Variants in C1orf50 observed in about 807,000 individuals in gnomAD.
The protein encoded by C1orf50 is chromosome 1 open reading frame 50.
Under a neutral mutation model 23.3 loss-of-function variants are expected in C1orf50, and 22 were observed. The ratio of observed to expected loss-of-function variants is 0.94; its 90% CI spans 0.67 to 1.35. The LOEUF (loss-of-function observed/expected upper bound fraction) is 1.35. Among genes scored for constraint, C1orf50 ranks in the 40% most tolerant of loss-of-function variants. C1orf50 has a pLI of 0.00. For synonymous variants in C1orf50, 96 were observed against 102.4 expected (o/e 0.94, Z 0.38); for missense variants, 271 against 249.4 (o/e 1.09, Z -0.58).
Position 42,773,541 on chromosome 1 carries a change from TTTAG to T in C1orf50, c.196-19_196-16del. ...AGTCTTTTCCTCTTTCAACCCACAG[TTTAG>T]TTTTTTCTCACCTGTAGGCTGATGA... On this transcript the variant is annotated intron_variant, in intron 2 of 4. Coordinates refer to ENST00000372525, the MANE Select transcript of C1orf50 (RefSeq NM_024097.4). The T allele has an allele frequency of 1.4e-6, 2 of 1,464,012 alleles. No homozygotes were observed. The highest frequency in any genetic ancestry group is 1.9e-6 in the Non-Finnish European group (2 of 1,047,656). 90.7% of individuals were successfully genotyped at this position (1,464,012 alleles called of 1,614,324 possible).
intron 2 of C1orf50, among the ~76,000 whole-genome samples, chr1:42,768,474 G>A (rs2124183259): frequency 6.6e-6 from 1 of 151,988 alleles, no homozygotes; most frequent in African/African-American, 2.4e-5. Flanking sequence ...TATGTTCCAG[G>A]GTCTTTGCTT....
intron 2 of C1orf50, among the ~76,000 whole-genome samples, chr1:42,770,578 A>G (rs1216146186): frequency 6.6e-6 from 1 of 151,964 alleles, no homozygotes; most frequent in Non-Finnish European, 1.5e-5. Flanking sequence ...GATTATAGAC[A>G]TGTGCCGCCA....
chr1:42,776,962 T>C lies in C1orf50; in HGVS notation c.*1568T>C, dbSNP rs1407890249. 2 of 152,222 alleles carry C rather than the reference T, an allele frequency of 1.3e-5. No individual in the cohort carries two copies. Among genetic ancestry groups the C allele is most frequent in the Non-Finnish European group, 2.9e-5 (2 of 68,046 alleles). The allele number at this position is 152,222 out of a possible 1,614,324, so 9.4% of individuals were successfully genotyped here. On this transcript the variant is annotated 3_prime_UTR_variant, in exon 5 of 5. Coordinates refer to ENST00000372525, the MANE Select transcript of C1orf50 (RefSeq NM_024097.4). ...GGAGTTCAGGCACCATTTCATTGAG[T>C]CCTCTGCTTCACAGTTTCTCTGAAA... is the stretch of plus-strand genomic sequence containing the variant.
In C1orf50 at chr1:42,767,256, T is replaced by A. The variant is rs1478981191; in HGVS notation, c.-56T>A. Reference sequence around the variant, plus strand: ...CGGAAGCTCCGCCCACGCGCCTTTATGCGCAGGCTCTTCCTACTCGCACAG... The same window carrying A: ...CGGAAGCTCCGCCCACGCGCCTTTAAGCGCAGGCTCTTCCTACTCGCACAG... On this transcript the variant is annotated 5_prime_UTR_variant, in exon 1 of 5. It removes an upstream start codon present in the reference 5' UTR. Transcript: ENST00000372525. The A allele has an allele frequency of 6.9e-6, 10 of 1,455,864 alleles. No individual in the cohort carries two copies. Among genetic ancestry groups the A allele is most frequent in the East Asian group, 2.5e-5 (1 of 40,428 alleles). The allele number at this position is 1,455,864 out of a possible 1,614,324, so 90.2% of individuals were successfully genotyped here.
chr1:42,772,733 A>G (rs2124190080), intron 2 of C1orf50, among the ~76,000 whole-genome samples: 1 of 152,128 alleles, frequency 6.6e-6, no homozygotes, highest in South Asian at 2.1e-4. Flanking sequence ...GTGAGCCAAG[A>G]TTGCGCCATT....
rs1412017151 is a variant in C1orf50 at position 42,767,274 on chromosome 1, T to G, written c.-38T>G. ...GCCTTTATGCGCAGGCTCTTCCTACTCGCACAGCCCAGGGAGTGGGGAGGA... is the reference window on the plus strand; with the variant it reads ...GCCTTTATGCGCAGGCTCTTCCTACGCGCACAGCCCAGGGAGTGGGGAGGA... On this transcript the variant is annotated 5_prime_UTR_variant, in exon 1 of 5. Transcript: ENST00000372525. 2 of 1,470,934 alleles carry G rather than the reference T, an allele frequency of 1.4e-6. No homozygotes were observed. Among genetic ancestry groups the G allele is most frequent in the African/African-American group, 2.9e-5 (2 of 70,084 alleles). 91.1% of individuals were successfully genotyped at this position (1,470,934 alleles called of 1,614,324 possible). A position where few individuals can be genotyped will look rare whatever the true frequency, so the allele number is the denominator to read the frequency against.
chr1:42,775,498 T>A lies in C1orf50; in HGVS notation c.*104T>A. Reference sequence around the variant, plus strand: ...AAGACATGTAGGTGACTCACAAACTTCTTGGAAAGAGACCCTGTGTGAATG... The same window carrying A: ...AAGACATGTAGGTGACTCACAAACTACTTGGAAAGAGACCCTGTGTGAATG... On this transcript the variant is annotated 3_prime_UTR_variant, in exon 5 of 5. Coordinates refer to ENST00000372525, the MANE Select transcript of C1orf50 (RefSeq NM_024097.4). 9.7e-7 allele frequency: 1 copy of A among 1,028,250 alleles called. No individual in the cohort carries two copies. Among genetic ancestry groups the A allele is most frequent in the Non-Finnish European group, 1.4e-6 (1 of 722,538 alleles). 63.7% of individuals were successfully genotyped at this position (1,028,250 alleles called of 1,614,324 possible).
rs183216869 is a variant in C1orf50 at position 42,779,487 on chromosome 1, G to A, written c.*4093G>A. 1.3e-4 allele frequency: 20 copies of A among 152,270 alleles called. No homozygotes were observed. The highest frequency in any genetic ancestry group is 4.3e-4 in the African/African-American group (18 of 41,544). The allele number at this position is 152,270 out of a possible 1,614,324, so 9.4% of individuals were successfully genotyped here. A position where few individuals can be genotyped will look rare whatever the true frequency, so the allele number is the denominator to read the frequency against. On this transcript the variant is annotated 3_prime_UTR_variant, in exon 5 of 5. Transcript: ENST00000372525. ...TTAATAAAATGTCAGAGGGATTAGA[G>A]GAAAGACTCTTAGATGATGCTTGAA... is the stretch of plus-strand genomic sequence containing the variant.
intron 3 of C1orf50, among the ~76,000 whole-genome samples, chr1:42,773,941 G>A (rs908270657): frequency 2.0e-5 from 3 of 152,110 alleles, no homozygotes; most frequent in Non-Finnish European, 4.4e-5. Flanking sequence ...TCCTGTCTCA[G>A]CCTCCCAAGT....
Position 42,775,934 on chromosome 1 carries a change from G to A in C1orf50, c.*540G>A, listed in dbSNP as rs959007992. On this transcript the variant is annotated 3_prime_UTR_variant, in exon 5 of 5. Coordinates refer to ENST00000372525, the MANE Select transcript of C1orf50 (RefSeq NM_024097.4). ...AAAAAAAAAAACACTTGGCTTGGCT[G>A]GACCAGAGAGTGTGTGATTCTGGGA... 1 of 151,306 alleles carries A rather than the reference G, an allele frequency of 6.6e-6. No homozygotes were observed. Among genetic ancestry groups the A allele is most frequent in the African/African-American group, 2.4e-5 (1 of 41,118 alleles). 9.4% of individuals were successfully genotyped at this position (151,306 alleles called of 1,614,324 possible). A position where few individuals can be genotyped will look rare whatever the true frequency, so the allele number is the denominator to read the frequency against.
rs1313174125 is a variant in C1orf50 at position 42,774,778 on chromosome 1, A to G, written c.324A>G (p.Val108=). ...ACAGAGATGCCAACCTGCACCATGT[A>G]GCTTGTAATATAGTGAAAAAACCTG... ...DAHRDANLHH[V]ACNIVKKPGN... The change falls in exon 4 of 5, where the codon GTA becomes GTG. Residue 108 remains valine (V), a synonymous_variant. Transcript: ENST00000372525. 6.2e-7 allele frequency: 1 copy of G among 1,613,816 alleles called. No individual in the cohort carries two copies. The highest frequency in any genetic ancestry group is 1.1e-5 in the South Asian group (1 of 91,074).
At chr1:42,767,731 CTT>C (rs1253189626) in intron 2 of C1orf50, 107 bp downstream of exon 2, 17 of 1,007,986 alleles carry the variant, frequency 1.7e-5, no homozygotes, top group African/African-American at 6.5e-5. Context: ...GGCATTTGCT[CTT>C]GTCTCCATTT....
rs796760991 is a variant in C1orf50, at chr1:42,775,825, A to C, written c.*431A>C. The stretch of plus-strand genomic sequence containing the variant: ...AACATTGGGGTTGAGGCTGTCTCAC[A>C]GTTGGTGCAACTCCAGTTTAAAATT... On this transcript the variant is annotated 3_prime_UTR_variant, in exon 5 of 5. Coordinates refer to ENST00000372525, the MANE Select transcript of C1orf50 (RefSeq NM_024097.4). 9 of 148,508 alleles carry C rather than the reference A, an allele frequency of 6.1e-5. No individual in the cohort carries two copies. The highest frequency in any genetic ancestry group is 2.2e-4 in the African/African-American group (9 of 40,302). 9.2% of individuals were successfully genotyped at this position (148,508 alleles called of 1,614,324 possible).
chr1:42,769,130 C>T (rs902096691), intron 2 of C1orf50, among the ~76,000 whole-genome samples: 2 of 151,986 alleles, frequency 1.3e-5, no homozygotes, highest in Non-Finnish European at 2.9e-5. Flanking sequence ...TGCCTGTAGT[C>T]TCAGCTACTC....
chr1:42,771,776 G>A (rs1414262561), intron 2 of C1orf50, among the ~76,000 whole-genome samples: 3 of 151,992 alleles, frequency 2.0e-5, no homozygotes, highest in South Asian at 2.1e-4. Flanking sequence ...CCAGGAGTTC[G>A]AGGCCAGCCT....
intron 2 of C1orf50, among the ~76,000 whole-genome samples, chr1:42,771,056 C>T (rs190607656): frequency 6.6e-6 from 1 of 152,278 alleles, no homozygotes. Flanking sequence ...TCCAATTCCC[C>T]ACCACTCCCT....
rs1217732657 is a variant in C1orf50, at chr1:42,779,404, T to A, written c.*4010T>A. On this transcript the variant is annotated 3_prime_UTR_variant, in exon 5 of 5. Coordinates refer to ENST00000372525, the MANE Select transcript of C1orf50 (RefSeq NM_024097.4). ...AAAAAAAAAAAAAAGAATCATAACA[T>A]AGCATCTTACATTTGATGAAGCATG... is the stretch of plus-strand genomic sequence containing the variant. 1 of 150,714 alleles carries A rather than the reference T, an allele frequency of 6.6e-6. No individual in the cohort carries two copies. The highest frequency in any genetic ancestry group is 1.9e-4 in the East Asian group (1 of 5,138). 9.3% of individuals were successfully genotyped at this position (150,714 alleles called of 1,614,324 possible).
chr1:42,767,413 G>A, intron 1 of C1orf50, 23 bp downstream of exon 1: 1 of 1,555,884 alleles, frequency 6.4e-7, no homozygotes, highest in Non-Finnish European at 8.7e-7. Flanking sequence ...GGAGTCAGCA[G>A]GGGGAAGTCA....
intron 2 of C1orf50, among the ~76,000 whole-genome samples, chr1:42,771,855 G>T (rs1216199282): frequency 6.6e-6 from 1 of 151,892 alleles, no homozygotes; most frequent in Admixed American, 6.6e-5. Flanking sequence ...ACGCATGCCT[G>T]TGGTCCTAGC....
Sources: allele counts gnomAD v4.1 joint callset (sites outside exome capture counted in the v4.1 genomes callset), GRCh38; gene constraint gnomAD v4.1.1; transcripts MANE v1.5; gene names NCBI Gene and HGNC (gene_info 2026-07-23, HGNC 2026-07-21).